Variants in MIDEAS observed in about 807,000 individuals in gnomAD.
The protein encoded by MIDEAS is mitotic deacetylase associated SANT domain protein.
In MIDEAS, 26 loss-of-function variants were observed where a neutral mutation model predicts 102.7. The ratio of observed to expected loss-of-function variants is 0.25; its 90% confidence interval spans 0.19 to 0.35. MIDEAS has a LOEUF of 0.35. Among genes scored for constraint, MIDEAS ranks in the 10% least tolerant of loss-of-function variants. The probability of loss-of-function intolerance (pLI) is 1.00; values close to 1 mark genes in which losing one functional copy is unlikely to be tolerated. For missense variants in MIDEAS, 1,231 were observed against 1,435.6 expected (o/e 0.86, Z 2.30); for synonymous variants, 585 against 591.0 (o/e 0.99, Z 0.15).
At chr14:73,766,914 G>T (rs968546611) in intron 1 of MIDEAS, among the ~76,000 whole-genome samples, 1 of 142,956 alleles carries the variant, frequency 7.0e-6, no homozygotes, top group African/African-American at 2.6e-5. Context: ...GGAGTGCAGC[G>T]TCATGATCTC....
chr14:73,719,843 T>TTTTTTTTTTTTTTTTTTTTTGAGACGG (rs1555342148), intron 11 of MIDEAS, among the ~76,000 whole-genome samples: 1 of 150,776 alleles, frequency 6.6e-6, no homozygotes, highest in Non-Finnish European at 1.5e-5. Flanking sequence ...TGCCCTGTTC[T>TTTTTTTTTTTTTTTTTTTTTGAGACGG]ATAAATGAGA....
chr14:73,773,279 C>T (rs2053658471), intron 1 of MIDEAS, among the ~76,000 whole-genome samples: 1 of 151,938 alleles, frequency 6.6e-6, no homozygotes, highest in African/African-American at 2.4e-5. Flanking sequence ...TCCTCAGCGT[C>T]CCTGCTATTC....
Position 73,721,528 on chromosome 14 carries a change from A to C in MIDEAS, c.2725-19T>G, listed in dbSNP as rs544407069. ...GGGAAGTCTATGGGGAACAAGAACA[A>C]GGGCAGTGAGCCTAGAGCTCTGTCT... On this transcript the variant is annotated intron_variant, in intron 10 of 12. Transcript: ENST00000423556. 3 of 1,609,038 alleles carry C rather than the reference A, an allele frequency of 1.9e-6. No individual in the cohort carries two copies. In the East Asian group the frequency reaches 6.7e-5, roughly 36 times the overall value.
rs1226011693 is a variant in MIDEAS, at chr14:73,738,566, A to G, written c.1443T>C (p.Asn481=). The change falls in exon 2 of 13, where the codon AAT becomes AAC. Residue 481 remains asparagine (N), a synonymous_variant. Coordinates refer to ENST00000423556, the MANE Select transcript of MIDEAS (RefSeq NM_001367710.1). ...CACTGCATGCCACTCTCACCTTTGC[A>G]TTCTGCAGTGAGGCCAGCTCCACAG... ...QKAVELASLQ[N]AKDGSGSEEK... 1.9e-6 allele frequency: 3 copies of G among 1,572,760 alleles called. No homozygotes were observed. In the African/African-American group the frequency reaches 4.1e-5, roughly 21 times the overall value.
intron 3 of MIDEAS, 99 bp downstream of exon 3, chr14:73,736,899 G>C: frequency 7.9e-7 from 1 of 1,258,142 alleles, no homozygotes; most frequent in South Asian, 1.4e-5. Context: ...CAGGTTCCCT[G>C]ATACCTTCCT....
At chr14:73,777,068 A>G (rs986731780) in intron 1 of MIDEAS, among the ~76,000 whole-genome samples, 7 of 69,004 alleles carry the variant, frequency 1.0e-4, no homozygotes, top group African/African-American at 2.3e-4. Context: ...AGACTGTCTC[A>G]AAAAAAATAA....
intron 1 of MIDEAS, among the ~76,000 whole-genome samples, chr14:73,753,439 C>G (rs1595281950): frequency 1.3e-5 from 2 of 152,364 alleles, no homozygotes; most frequent in East Asian, 3.9e-4. Context: ...TCTCCAATCA[C>G]CAGCCTCTGT....
At chr14:73,744,952 C>T (rs1356572162) in intron 1 of MIDEAS, among the ~76,000 whole-genome samples, 7 of 152,162 alleles carry the variant, frequency 4.6e-5, no homozygotes, top group African/African-American at 7.2e-5. Flanking sequence ...GCTTTGTCAT[C>T]CCCAGCAGAC....
chr14:73,737,591 A>T (rs906224865), intron 2 of MIDEAS, among the ~76,000 whole-genome samples: 11 of 151,758 alleles, frequency 7.2e-5, no homozygotes, highest in Non-Finnish European at 1.5e-4. Context: ...GAACCACTGC[A>T]CTCCAGCCTG....
rs2053297283 is a variant in MIDEAS, at chr14:73,742,635, A to C, written c.-247-2380T>G. Among the ~76,000 whole-genome samples, 1 of 152,142 alleles carries C rather than the reference A, an allele frequency of 6.6e-6. No homozygotes were observed. Among genetic ancestry groups the C allele is most frequent in the Admixed American group, 6.5e-5 (1 of 15,280 alleles). On this transcript the variant is annotated intron_variant, in intron 1 of 12. Coordinates refer to ENST00000423556, the MANE Select transcript of MIDEAS (RefSeq NM_001367710.1). This position sits in a 1 kb window ranked among gnomAD's most constrained non-coding sequence, Gnocchi z 4.4. The stretch of plus-strand genomic sequence containing the variant: ...AGCAGCCTCTGAAGCTCAGACAGGG[A>C]CTTGCTTTGAAGAAATCAGGGGGCC...
intron 1 of MIDEAS, among the ~76,000 whole-genome samples, chr14:73,777,209 T>C (rs1377239047): frequency 6.6e-6 from 1 of 151,926 alleles, no homozygotes; most frequent in Non-Finnish European, 1.5e-5. Flanking sequence ...TCAGTACCCA[T>C]TCTGGAAGGG....
At chr14:73,771,724 C>A (rs1337584439) in intron 1 of MIDEAS, among the ~76,000 whole-genome samples, 6 of 152,250 alleles carry the variant, frequency 3.9e-5, no homozygotes, top group African/African-American at 1.4e-4. Context: ...ACGGCCCTGC[C>A]TGCTAGGTCA....
chr14:73,741,710 C>T (rs1320414335), intron 1 of MIDEAS, among the ~76,000 whole-genome samples: 1 of 152,210 alleles, frequency 6.6e-6, no homozygotes, highest in East Asian at 1.9e-4. Flanking sequence ...TCCTGCCCGC[C>T]TGCGTGACTC....
intron 12 of MIDEAS, 53 bp downstream of exon 12, chr14:73,719,252 C>T (rs770449077): frequency 9.6e-6 from 15 of 1,562,520 alleles, no homozygotes; most frequent in Non-Finnish European, 1.2e-5. Context: ...CCCCCGCCCC[C>T]TCCGCGCACC....
rs1443420812 is a variant in MIDEAS, at chr14:73,737,192, C to G, written c.1555G>C (p.Asp519His). ...PSLATKRARE[D>H]SGMVPLIIPV... is the part of the protein sequence containing the mutation. Reference sequence around the variant, plus strand: ...ATGATGAGGGGTACCATCCCACTGTCTTCTCGTGCTCGCTTGGTGGCTAAG... The same window carrying G: ...ATGATGAGGGGTACCATCCCACTGTGTTCTCGTGCTCGCTTGGTGGCTAAG... Residue 519 changes from aspartate to histidine, a missense_variant, in exon 3 of 13, where the codon GAC (aspartate) becomes CAC (histidine). Physicochemically the swap from Asp to His is moderately conservative, Grantham distance 81. Coordinates refer to ENST00000423556, the MANE Select transcript of MIDEAS (RefSeq NM_001367710.1). 3 of 1,614,194 alleles carry G rather than the reference C, an allele frequency of 1.9e-6. No homozygotes were observed. Among genetic ancestry groups the G allele is most frequent in the Non-Finnish European group, 1.7e-6 (2 of 1,180,036 alleles).
chr14:73,779,383 C>T (rs111613558), intron 1 of MIDEAS, among the ~76,000 whole-genome samples: 73 of 109,734 alleles, frequency 6.7e-4, no homozygotes, highest in African/African-American at 2.4e-3. Flanking sequence ...CGACAGAGCA[C>T]GATTCCATCT....
At chr14:73,770,961 C>T (rs2053637211) in intron 1 of MIDEAS, among the ~76,000 whole-genome samples, 2 of 152,110 alleles carry the variant, frequency 1.3e-5, no homozygotes. Context: ...CAGAACCAGG[C>T]TCAATGCCAC....
chr14:73,786,528 G>A (rs1434381914), intron 1 of MIDEAS, among the ~76,000 whole-genome samples: 2 of 152,224 alleles, frequency 1.3e-5, no homozygotes, highest in East Asian at 3.8e-4. Context: ...GGGGGAGTCA[G>A]GAGCGATTCA....
At position 73,759,320 on chromosome 14, in the gene MIDEAS, G is replaced by T. The variant is rs2053527396; in HGVS notation, c.-248+443C>A. Among the ~76,000 whole-genome samples, 1 of 152,028 alleles carries T rather than the reference G, an allele frequency of 6.6e-6. No homozygotes were observed. The highest frequency in any genetic ancestry group is 1.5e-5 in the Non-Finnish European group (1 of 67,960). On this transcript the variant is annotated intron_variant, in intron 1 of 12. Coordinates refer to ENST00000423556, the MANE Select transcript of MIDEAS (RefSeq NM_001367710.1). This position sits in a 1 kb window ranked among gnomAD's most constrained non-coding sequence, Gnocchi z 6.7. Reference sequence around the variant, plus strand: ...GCCGCGCCTTCCGGGCCTGGGCTCCGTCACGTCAGCCGGTCCCCACGGACA... The same window carrying T: ...GCCGCGCCTTCCGGGCCTGGGCTCCTTCACGTCAGCCGGTCCCCACGGACA...
Sources: gnomAD v4.1 joint callset for allele counts (sites outside exome capture counted in the v4.1 genomes callset) on GRCh38, gnomAD v4.1.1 for gene constraint, Gnocchi (gnomAD v3.1) non-coding constraint, MANE v1.5 for transcripts, NCBI Gene and HGNC (gene_info 2026-07-23, HGNC 2026-07-21) for gene names.